NDUFA9: variants seen among roughly 807,000 people sequenced by gnomAD.
The protein encoded by NDUFA9 is NADH dehydrogenase [ubiquinone] 1 alpha subcomplex subunit 9, mitochondrial.
A neutral mutation model predicts 45.9 loss-of-function variants in NDUFA9; 23 were observed. That is an observed-to-expected ratio of 0.50 (90% CI 0.36 to 0.71). The LOEUF (loss-of-function observed/expected upper bound fraction) is 0.71, where lower values mean the gene tolerates loss of function less well. Among genes scored for constraint, NDUFA9 ranks in the 30% least tolerant of loss-of-function variants. The pLI, the probability that NDUFA9 is intolerant of heterozygous loss-of-function variation, is 0.00. For synonymous variants in NDUFA9, 176 were observed against 170.5 expected, an observed-to-expected ratio of 1.03 and a Z score of -0.25; for missense variants, 466 against 488.2, an observed-to-expected ratio of 0.95 and a Z score of 0.43.
At chr12:4,663,387 A>G (rs961896046) in intron 6 of NDUFA9, among the ~76,000 whole-genome samples, 2 of 152,206 alleles carry the variant, frequency 1.3e-5, no homozygotes, top group African/African-American at 4.8e-5. Flanking sequence ...CGTATGTTGA[A>G]GCCTTAACAC....
At chr12:4,674,904 G>C (rs923570480) in intron 8 of NDUFA9, among the ~76,000 whole-genome samples, 1 of 152,118 alleles carries the variant, frequency 6.6e-6, no homozygotes, top group Non-Finnish European at 1.5e-5. Flanking sequence ...TTCTAAAATT[G>C]ACCACATAAT....
rs544693223 is a variant in NDUFA9, at chr12:4,661,836, A to C, written c.553-697A>C. ...TCTTCATTTAATACCTCAGAAGAAGAGCAATTCCAGATGTTGATACAGTAG... is the reference window on the plus strand; with the variant it reads ...TCTTCATTTAATACCTCAGAAGAAGCGCAATTCCAGATGTTGATACAGTAG... On this transcript the variant is annotated intron_variant, in intron 5 of 10. Transcript: ENST00000266544. 4.3e-4 allele frequency among the ~76,000 whole-genome samples: 65 copies of C among 152,036 alleles called. No individual in the cohort carries two copies. The South Asian group carries it at 0.014, about 32-fold the overall frequency.
chr12:4,672,724 C>A (rs769616471), intron 8 of NDUFA9, among the ~76,000 whole-genome samples: 29 of 152,206 alleles, frequency 1.9e-4, no homozygotes, highest in Admixed American at 3.3e-4. Flanking sequence ...AAGGCAGTAG[C>A]CCAAGTCAGG....
chr12:4,680,004 A>C (rs536351227), intron 8 of NDUFA9, among the ~76,000 whole-genome samples: 128 of 152,332 alleles, frequency 8.4e-4, no homozygotes, highest in Non-Finnish European at 1.4e-3. Flanking sequence ...TTTAACAAGG[A>C]AAAGAATTCA....
rs751867151 is a variant in NDUFA9, at chr12:4,654,810, T to C, written c.221-15T>C. 2 of 1,579,380 alleles carry C rather than the reference T, an allele frequency of 1.3e-6. No individual in the cohort carries two copies. The highest frequency in any genetic ancestry group is 2.7e-5 in the African/African-American group (2 of 73,442). ...ATGTTAATGTTGATCCTTTTTTCAATCCATTCTCTTTTAGGACGCATGGGG... is the reference window on the plus strand; with the variant it reads ...ATGTTAATGTTGATCCTTTTTTCAACCCATTCTCTTTTAGGACGCATGGGG... On this transcript the variant is annotated splice_polypyrimidine_tract_variant and intron_variant, in intron 2 of 10. Transcript: ENST00000266544.
At position 4,657,845 on chromosome 12, in the gene NDUFA9, T is replaced by G; in HGVS notation, c.410+6T>G. The G allele has an allele frequency of 1.2e-6, 2 of 1,601,074 alleles. No individual in the cohort carries two copies. Among genetic ancestry groups the G allele is most frequent in the Non-Finnish European group, 1.7e-6 (2 of 1,168,206 alleles). On this transcript the variant is annotated splice_donor_region_variant and intron_variant, in intron 4 of 10. Coordinates refer to ENST00000266544, the MANE Select transcript of NDUFA9 (RefSeq NM_005002.5). ...GGACGAGACTGGGAAACCAAGTAAG[T>G]CTTTGACTCTTGTTTCTTCTTTGCT...
intron 8 of NDUFA9, among the ~76,000 whole-genome samples, chr12:4,680,961 C>T (rs1333324926): frequency 1.3e-5 from 2 of 152,078 alleles, no homozygotes; most frequent in Admixed American, 6.5e-5. Flanking sequence ...CAGAAACAGT[C>T]CCATTATATG....
At chr12:4,657,986 G>T in intron 4 of NDUFA9, 147 bp downstream of exon 4, 1 of 673,912 alleles carries the variant, frequency 1.5e-6, no homozygotes, top group Non-Finnish European at 2.7e-6. Flanking sequence ...TGCATACCCA[G>T]TGACACCCCT....
chr12:4,679,479 A>T (rs1214770714), intron 8 of NDUFA9, among the ~76,000 whole-genome samples: 2 of 152,228 alleles, frequency 1.3e-5, no homozygotes, highest in Non-Finnish European at 2.9e-5. Context: ...TGCATAAGTA[A>T]TAATTAAGCA....
At chr12:4,660,831 A>C (rs535504841) in intron 5 of NDUFA9, among the ~76,000 whole-genome samples, 2 of 152,286 alleles carry the variant, frequency 1.3e-5, no homozygotes, top group Non-Finnish European at 2.9e-5. Context: ...TATCAAGAAT[A>C]GATTGAGTGC....
chr12:4,657,003 CT>C (rs988449480), intron 3 of NDUFA9, among the ~76,000 whole-genome samples: 9 of 152,138 alleles, frequency 5.9e-5, no homozygotes, highest in Non-Finnish European at 1.3e-4. Context: ...AGTTCTCTCT[CT>C]TTCTCTTTCA....
At chr12:4,680,359 A>T (rs1565571876) in intron 8 of NDUFA9, among the ~76,000 whole-genome samples, 1 of 152,202 alleles carries the variant, frequency 6.6e-6, no homozygotes, top group Non-Finnish European at 1.5e-5. Flanking sequence ...AGTTTTGCTT[A>T]GCAAGTATAG....
intron 5 of NDUFA9, among the ~76,000 whole-genome samples, chr12:4,660,321 G>C (rs930673487): frequency 2.0e-5 from 3 of 152,210 alleles, no homozygotes; most frequent in African/African-American, 7.2e-5. Flanking sequence ...TCTGAGTGCA[G>C]CAAAGATTGA....
At chr12:4,667,819 C>T (rs1439614374) in intron 6 of NDUFA9, among the ~76,000 whole-genome samples, 2 of 144,138 alleles carry the variant, frequency 1.4e-5, no homozygotes, top group Non-Finnish European at 3.0e-5. Context: ...CTAATTTCTA[C>T]TCTTAAATGG....
At chr12:4,675,763 C>G (rs1344933319) in intron 8 of NDUFA9, among the ~76,000 whole-genome samples, 1 of 152,162 alleles carries the variant, frequency 6.6e-6, no homozygotes, top group Non-Finnish European at 1.5e-5. Flanking sequence ...CCTTCTGAAA[C>G]TATTCCAATC....
chr12:4,670,155 T>C (rs560568088), intron 8 of NDUFA9, among the ~76,000 whole-genome samples: 8 of 152,334 alleles, frequency 5.3e-5, no homozygotes, highest in Non-Finnish European at 8.8e-5. Flanking sequence ...GTAAGTATGG[T>C]TATAAAACCA....
chr12:4,659,148 A>G lies in NDUFA9; in HGVS notation c.523A>G (p.Lys175Glu). Residue 175 changes from lysine (K) to glutamate (E), a missense_variant, in exon 5 of 11, where the codon AAA (lysine) becomes GAA (glutamate). Lys to Glu is a moderately conservative substitution (Grantham distance 56, BLOSUM62 1). Transcript: ENST00000266544. ...IHVSHLNANI[K>E]SSSRYLRNKA... ...TGTTTCACATCTGAATGCGAATATT[A>G]AAAGCTCTTCTAGATATTTGAGAAA... 1 of 1,611,942 alleles carries G rather than the reference A, an allele frequency of 6.2e-7. No homozygotes were observed.
chr12:4,687,136 C>T lies in NDUFA9; in HGVS notation c.*28C>T, dbSNP rs3210087. 1.3e-5 allele frequency: 21 copies of T among 1,610,136 alleles called. No homozygotes were observed. Among genetic ancestry groups the T allele is most frequent in the Middle Eastern group, 3.3e-4 (2 of 6,060 alleles). ...CCTCCTGAGCAGCTCTTGGTTTTGG[C>T]GTCTTTTGGGTCGGCCCATGTGGTT... On this transcript the variant is annotated 3_prime_UTR_variant, in exon 11 of 11. Transcript: ENST00000266544.
At chr12:4,651,764 T>A (rs1249875220) in intron 1 of NDUFA9, among the ~76,000 whole-genome samples, 1 of 152,134 alleles carries the variant, frequency 6.6e-6, no homozygotes, top group Non-Finnish European at 1.5e-5. Context: ...TTCACTCTTA[T>A]CATTCCCTTT....
Sources: allele counts gnomAD v4.1 joint callset (sites outside exome capture counted in the v4.1 genomes callset), GRCh38; gene constraint gnomAD v4.1.1; transcripts MANE v1.5; gene names NCBI Gene and HGNC (gene_info 2026-07-23, HGNC 2026-07-21).